STOML3: variants seen among roughly 807,000 people sequenced by gnomAD.
STOML3 encodes the protein stomatin-like protein 3.
STOML3 carries 31 observed loss-of-function variants against 29.5 expected under a neutral mutation model. The ratio of observed to expected loss-of-function variants is 1.05; its 90% CI spans 0.79 to 1.42. The LOEUF (loss-of-function observed/expected upper bound fraction) is 1.42, where lower values mean the gene tolerates loss of function less well. Among genes scored for constraint, STOML3 ranks in the 40% most tolerant of loss-of-function variants. STOML3 has a pLI of 0.00. For missense variants in STOML3, 380 were observed against 363.0 expected (o/e 1.05, Z -0.38); for synonymous variants, 122 against 139.8 (o/e 0.87, Z 0.90).
chr13:38,988,251 T>G (rs1311283541), intron 1 of STOML3, among the ~76,000 whole-genome samples: 167 of 70,376 alleles, frequency 2.4e-3, no homozygotes, highest in African/African-American at 6.1e-3. Flanking sequence ...TATAATATAT[T>G]ATATTTTATA....
intron 4 of STOML3, 134 bp downstream of exon 4, chr13:38,972,378 T>G: frequency 1.3e-6 from 1 of 765,888 alleles, no homozygotes; most frequent in Non-Finnish European, 2.0e-6. Flanking sequence ...GAAGGGCAAT[T>G]CAAGCAGGTC....
intron 1 of STOML3, among the ~76,000 whole-genome samples, chr13:38,978,907 G>T (rs1881183127): frequency 6.6e-6 from 1 of 152,102 alleles, no homozygotes; most frequent in Non-Finnish European, 1.5e-5. Context: ...GAACTGTTAG[G>T]TCATACAATT....
intron 6 of STOML3, among the ~76,000 whole-genome samples, chr13:38,967,954 T>C (rs1001198548): frequency 6.6e-6 from 1 of 152,292 alleles, no homozygotes; most frequent in East Asian, 1.9e-4. Context: ...CAACGTTTAA[T>C]ATACAAGAAC....
chr13:38,981,650 T>C (rs1252544640), intron 1 of STOML3, among the ~76,000 whole-genome samples: 1 of 152,142 alleles, frequency 6.6e-6, no homozygotes, highest in African/African-American at 2.4e-5. Flanking sequence ...TATGACATGA[T>C]TTTAAACAAT....
intron 1 of STOML3, among the ~76,000 whole-genome samples, chr13:38,987,446 T>C (rs1868626455): frequency 6.6e-6 from 1 of 151,688 alleles, no homozygotes; most frequent in African/African-American, 2.4e-5. Context: ...GAGCTGAGAT[T>C]GCACCACTCC....
intron 1 of STOML3, among the ~76,000 whole-genome samples, chr13:38,981,623 A>G (rs1302805430): frequency 6.6e-6 from 1 of 152,230 alleles, no homozygotes; most frequent in Non-Finnish European, 1.5e-5. Flanking sequence ...TTCTTAGCAG[A>G]AATAACTGTT....
At chr13:38,989,599 C>T (rs1593512738) in intron 1 of STOML3, among the ~76,000 whole-genome samples, 1 of 152,018 alleles carries the variant, frequency 6.6e-6, no homozygotes, top group East Asian at 1.9e-4. Context: ...ACCTCCTGGG[C>T]TCAAGCAATC....
rs1158782530 is a variant in STOML3, at chr13:38,973,114, A to C, written c.230-520T>G. ...TCTCTACTAAAAAAAAAAAAAAAAA[A>C]AAAAAAAAAAAAAAAAAATTATCTG... On this transcript the variant is annotated intron_variant, in intron 3 of 6. Coordinates refer to ENST00000379631, the MANE Select transcript of STOML3 (RefSeq NM_145286.3). Among the ~76,000 whole-genome samples the C allele has an allele frequency of 6.7e-4, 98 of 146,820 alleles. 1 individual carries two copies. The highest frequency in any genetic ancestry group is 2.2e-3 in the African/African-American group (86 of 38,792).
In STOML3 at chr13:38,970,181, T is replaced by A; in HGVS notation, c.516+4A>T. 3 of 1,611,042 alleles carry A rather than the reference T, an allele frequency of 1.9e-6. No individual in the cohort carries two copies. Among genetic ancestry groups the A allele is most frequent in the Middle Eastern group, 1.8e-4 (1 of 5,456 alleles). ...TACAGGCTATTAGTTCATGGTGTCT[T>A]TACCTGGATGCTATGGGCGATCTCT... On this transcript the variant is annotated splice_donor_region_variant and intron_variant, in intron 5 of 6. Transcript: ENST00000379631.
At chr13:38,985,957 T>C (rs1221595945) in intron 1 of STOML3, among the ~76,000 whole-genome samples, 1 of 141,658 alleles carries the variant, frequency 7.1e-6, no homozygotes, top group Non-Finnish European at 1.5e-5. Flanking sequence ...TCTTGCTCTT[T>C]CCCCCAGCGG....
chr13:38,979,412 C>G (rs1881197983), intron 1 of STOML3, among the ~76,000 whole-genome samples: 1 of 152,214 alleles, frequency 6.6e-6, no homozygotes, highest in Non-Finnish European at 1.5e-5. Context: ...CCACTTTTAT[C>G]TAGAGAAGTT....
intron 1 of STOML3, among the ~76,000 whole-genome samples, chr13:38,978,254 A>G (rs1156808770): frequency 6.6e-6 from 1 of 151,660 alleles, no homozygotes; most frequent in Non-Finnish European, 1.5e-5. Flanking sequence ...CCCAGGTTCA[A>G]GTAATTCTCC....
intron 4 of STOML3, among the ~76,000 whole-genome samples, chr13:38,971,970 C>A (rs921467820): frequency 5.3e-5 from 8 of 152,186 alleles, no homozygotes; most frequent in Admixed American, 4.6e-4. Context: ...ACGCAAAATA[C>A]AAACACAAGT....
intron 1 of STOML3, among the ~76,000 whole-genome samples, chr13:38,988,482 T>A (rs1405738675): frequency 1.3e-5 from 1 of 77,076 alleles, no homozygotes; most frequent in Non-Finnish European, 2.3e-5. Context: ...TAATATATTT[T>A]ATATCATATA....
intron 3 of STOML3, among the ~76,000 whole-genome samples, chr13:38,975,717 T>C (rs573744325): frequency 6.6e-6 from 1 of 152,326 alleles, no homozygotes; most frequent in African/African-American, 2.4e-5. Flanking sequence ...ACTAGATATA[T>C]GCTCAGAGAA....
intron 1 of STOML3, among the ~76,000 whole-genome samples, chr13:38,977,853 G>T (rs1881140961): frequency 7.0e-6 from 1 of 143,550 alleles, no homozygotes; most frequent in South Asian, 2.3e-4. Context: ...TCCGCCTCCC[G>T]GGTTCGCGCC....
At chr13:38,980,268 G>A in intron 1 of STOML3, 1 of 766,966 alleles carries the variant, frequency 1.3e-6, no homozygotes, top group East Asian at 2.8e-5. Flanking sequence ...TTAAAGTGGG[G>A]CTGTGAGTGC....
At position 38,966,766 on chromosome 13, in the gene STOML3, G is replaced by T. The variant is rs114077904; in HGVS notation, c.*59C>A. ...GAATTCTCACCGTTTCTAACTACTG[G>T]CTTCTCCATAGGAATAGACACCACT... On this transcript the variant is annotated 3_prime_UTR_variant, in exon 7 of 7. Coordinates refer to ENST00000379631, the MANE Select transcript of STOML3 (RefSeq NM_145286.3). 6.3e-4 allele frequency: 872 copies of T among 1,392,762 alleles called. 3 individuals carry two copies. In the African/African-American group the frequency reaches 0.011, roughly 17 times the overall value. The allele number at this position is 1,392,762 out of a possible 1,614,324, so 86.3% of individuals were successfully genotyped here. A position where few individuals can be genotyped will look rare whatever the true frequency, so the allele number is the denominator to read the frequency against.
intron 2 of STOML3, 36 bp downstream of exon 2, chr13:38,976,658 C>T (rs1245971058): frequency 6.2e-7 from 1 of 1,613,826 alleles, no homozygotes; most frequent in African/African-American, 1.3e-5. Flanking sequence ...TTTGTCAGTT[C>T]ATATAGATAG....
Sources: gnomAD v4.1 joint callset for allele counts (sites outside exome capture counted in the v4.1 genomes callset) on GRCh38, gnomAD v4.1.1 for gene constraint, MANE v1.5 for transcripts, NCBI Gene and HGNC (gene_info 2026-07-23, HGNC 2026-07-21) for gene names.